Variants in SEPTIN2 observed in about 807,000 individuals in gnomAD.
SEPTIN2 encodes septin-2.
SEPTIN2 carries 34 observed loss-of-function variants against 46.5 expected under a neutral mutation model. That is an observed-to-expected ratio of 0.73 (90% CI 0.56 to 0.97). The LOEUF is 0.97. Among genes scored for constraint, SEPTIN2 ranks in the 50% least tolerant of loss-of-function variants. The pLI, the probability that SEPTIN2 is intolerant of heterozygous loss-of-function variation, is 0.00. For synonymous variants in SEPTIN2, 175 were observed against 153.4 expected, an observed-to-expected ratio of 1.14 and a Z score of -1.04; for missense variants, 347 against 448.4, an observed-to-expected ratio of 0.77 and a Z score of 2.04.
At chr2:241,341,316 G>A (rs2081233322) in intron 7 of SEPTIN2, among the ~76,000 whole-genome samples, 1 of 152,124 alleles carries the variant, frequency 6.6e-6, no homozygotes, top group Non-Finnish European at 1.5e-5. Flanking sequence ...CACAATTCTT[G>A]AAATCATCCA....
intron 3 of SEPTIN2, among the ~76,000 whole-genome samples, chr2:241,329,869 A>G (rs2078693872): frequency 6.6e-6 from 1 of 152,240 alleles, no homozygotes; most frequent in South Asian, 2.1e-4. Context: ...AGGAAGAGCA[A>G]CAGGCTATGA....
chr2:241,349,570 C>A (rs532152422), intron 11 of SEPTIN2, among the ~76,000 whole-genome samples: 1 of 152,052 alleles, frequency 6.6e-6, no homozygotes, highest in Non-Finnish European at 1.5e-5. Context: ...CGCTTGTAAT[C>A]CCAGCACTTT....
chr2:241,319,607 T>C (rs1007002993), intron 1 of SEPTIN2, among the ~76,000 whole-genome samples: 1 of 152,248 alleles, frequency 6.6e-6, no homozygotes, highest in Non-Finnish European at 1.5e-5. Flanking sequence ...TTTTTTTCTT[T>C]TTTTGAGACA....
intron 10 of SEPTIN2, 91 bp from the exon 11 acceptor site, chr2:241,348,043 G>A: frequency 1.0e-6 from 1 of 966,456 alleles, no homozygotes. Flanking sequence ...ATAAATACAT[G>A]TCATTTTAAA....
intron 11 of SEPTIN2, among the ~76,000 whole-genome samples, chr2:241,348,474 G>A (rs1019284477): frequency 6.6e-6 from 1 of 152,052 alleles, no homozygotes; most frequent in Non-Finnish European, 1.5e-5. Context: ...CAGGTGATCT[G>A]CCCACCTTGG....
At position 241,320,199 on chromosome 2, in the gene SEPTIN2, G is replaced by A. The variant is rs6745662; in HGVS notation, c.-17-4017G>A. On this transcript the variant is annotated intron_variant, in intron 1 of 12. Transcript: ENST00000391971. ...AAACAAATTGTTTTCCCTTTTCTCTGTAGAGGCTTGGAATAGTTAAATGAC... is the reference window on the plus strand; with the variant it reads ...AAACAAATTGTTTTCCCTTTTCTCTATAGAGGCTTGGAATAGTTAAATGAC... 0.75 allele frequency: 355,146 copies of A among 470,548 alleles called. 134,739 individuals carry two copies. Among genetic ancestry groups the A allele is most frequent in the Admixed American group, 0.86 (36,515 of 42,450 alleles). The allele number at this position is 470,548 out of a possible 1,614,324, so 29.1% of individuals were successfully genotyped here. A position where few individuals can be genotyped will look rare whatever the true frequency, so the allele number is the denominator to read the frequency against.
chr2:241,322,432 C>T (rs1014765869), intron 1 of SEPTIN2, among the ~76,000 whole-genome samples: 3 of 151,500 alleles, frequency 2.0e-5, no homozygotes, highest in African/African-American at 4.9e-5. Context: ...AGTGAAACCC[C>T]ATCTCTACTA....
chr2:241,315,902 G>GGGCGGGCTGT (rs2076094645), upstream of SEPTIN2: 1 of 152,280 alleles, frequency 6.6e-6, no homozygotes, highest in African/African-American at 2.4e-5. Context: ...GGGCGGGCTG[G>GGGCGGGCTGT]GGCGGGCTGT....
At chr2:241,335,728 T>A in intron 4 of SEPTIN2, 1 of 578,358 alleles carries the variant, frequency 1.7e-6, no homozygotes, top group Non-Finnish European at 3.0e-6. Context: ...TGCTTTCTTT[T>A]TCCCAGGAAC....
In SEPTIN2 at chr2:241,316,144, G is replaced by A. The variant is rs1411605014; in HGVS notation, c.-18+162G>A. 2.4e-5 allele frequency: 5 copies of A among 207,964 alleles called. No individual in the cohort carries two copies. The East Asian group carries it at 5.0e-4, about 21-fold the overall frequency. 12.9% of individuals were successfully genotyped at this position (207,964 alleles called of 1,614,324 possible). ...GGGGCGGCCGAGCCCAGGCTCTTCG[G>A]CACTTATCGTGGGCTCCCCCGTCCC... On this transcript the variant is annotated intron_variant, in intron 1 of 12. Coordinates refer to ENST00000391971, the MANE Select transcript of SEPTIN2 (RefSeq NM_004404.5).
chr2:241,345,230 C>A (rs10188318), intron 9 of SEPTIN2, among the ~76,000 whole-genome samples: 2 of 152,074 alleles, frequency 1.3e-5, no homozygotes, highest in African/African-American at 4.8e-5. Flanking sequence ...AGCTGAAAGT[C>A]GCTACATATT....
intron 7 of SEPTIN2, among the ~76,000 whole-genome samples, chr2:241,339,803 C>T (rs1003199936): frequency 2.0e-5 from 3 of 152,184 alleles, no homozygotes; most frequent in African/African-American, 7.2e-5. Flanking sequence ...CAAGATTTCA[C>T]ATCTCCATCC....
chr2:241,324,322 G>T, intron 2 of SEPTIN2, 81 bp downstream of exon 2: 1 of 1,111,328 alleles, frequency 9.0e-7, no homozygotes, highest in Non-Finnish European at 1.3e-6. Context: ...GGACTTATAT[G>T]ATTCATTATT....
rs781556521 is a variant in SEPTIN2 at position 241,324,202 on chromosome 2, T to C, written c.-17-14T>C. ...TGTGCGTTTATGTGTGTCTGTGTGT[T>C]TTTTTTTTAACAGACGAAGCTTCAC... On this transcript the variant is annotated splice_polypyrimidine_tract_variant and intron_variant, in intron 1 of 12. Coordinates refer to ENST00000391971, the MANE Select transcript of SEPTIN2 (RefSeq NM_004404.5). 1 of 1,606,386 alleles carries C rather than the reference T, an allele frequency of 6.2e-7. No homozygotes were observed. The highest frequency in any genetic ancestry group is 1.7e-5 in the Admixed American group (1 of 59,236).
chr2:241,324,272 A>G, intron 2 of SEPTIN2, 31 bp downstream of exon 2: 2 of 1,589,340 alleles, frequency 1.3e-6, no homozygotes, highest in South Asian at 1.1e-5. Context: ...TCTACAGCAT[A>G]AGGAGAAATT....
intron 7 of SEPTIN2, among the ~76,000 whole-genome samples, chr2:241,339,682 CTG>C (rs2080987697): frequency 6.6e-6 from 1 of 152,108 alleles, no homozygotes; most frequent in South Asian, 2.1e-4. Context: ...ACCAAATTTA[CTG>C]TTTCTTTGCC....
rs1559642682 is a variant in SEPTIN2, at chr2:241,338,771, T to TATATATTTATATTATTTATATATAATAC, written c.594+985_594+986insATTTATATTATTTATATATAATACATAT. 6.3e-3 allele frequency among the ~76,000 whole-genome samples: 276 copies of TATATATTTATATTATTTATATATAATAC among 43,946 alleles called. 13 individuals are homozygous for TATATATTTATATTATTTATATATAATAC. The East Asian group carries it at 0.12, about 20-fold the overall frequency. The allele number at this position is 43,946 out of a possible 152,430, so 28.8% of individuals were successfully genotyped here. ...ATGTAATATATTTATATTGTTTATA[T>TATATATTTATATTATTTATATATAATAC]ATATTATATTTATATTATTTATATA... On this transcript the variant is annotated intron_variant, in intron 7 of 12. Transcript: ENST00000391971.
chr2:241,315,528 C>G (rs2076043624), upstream of SEPTIN2: 1 of 152,832 alleles, frequency 6.5e-6, no homozygotes, highest in Non-Finnish European at 1.5e-5. Flanking sequence ...ACGGCCTTCC[C>G]CCCACTCCAG....
intron 1 of SEPTIN2, chr2:241,316,985 G>T (rs2076419554): frequency 6.4e-6 from 1 of 155,590 alleles, no homozygotes. Context: ...TGTGAGGGCA[G>T]GGCACATGTT....
Sources: allele counts gnomAD v4.1 joint callset (sites outside exome capture counted in the v4.1 genomes callset), GRCh38; gene constraint gnomAD v4.1.1; transcripts MANE v1.5; gene names NCBI Gene and HGNC (gene_info 2026-07-23, HGNC 2026-07-21).